Variants in HERC2 observed in about 807,000 individuals in gnomAD.
HERC2 encodes HECT and RLD domain containing E3 ubiquitin protein ligase 2.
HERC2 carries 102 observed loss-of-function variants against 537.7 expected under a neutral mutation model. The observed-to-expected ratio is 0.19, with a 90% CI of 0.16 to 0.22. The LOEUF (loss-of-function observed/expected upper bound fraction) is 0.22. HERC2 is among the 10% of genes least tolerant of loss of function. The pLI is 1.00. For synonymous variants in HERC2, 2,224 were observed against 2,466.2 expected (o/e 0.90, Z 2.91); for missense variants, 4,236 against 6,198.2 (o/e 0.68, Z 10.63).
intron 20 of HERC2, among the ~76,000 whole-genome samples, chr15:28,251,168 T>G (rs926602450): frequency 2.6e-5 from 4 of 152,132 alleles, no homozygotes; most frequent in African/African-American, 9.7e-5. Flanking sequence ...TGTGGCCAGG[T>G]GCAGTGGCTC....
Position 28,214,388 on chromosome 15 carries a change from G to T in HERC2, c.6359-116C>A, listed in dbSNP as rs772893719. ...TGCGCCGCTCTTCACCAGGGCACAG[G>T]GAAGGGAGACGGCCATGCACCTCTG... is the stretch of plus-strand genomic sequence containing the variant. On this transcript the variant is annotated intron_variant, in intron 40 of 92. Transcript: ENST00000261609. 2.9e-4 allele frequency: 298 copies of T among 1,027,776 alleles called. 1 individual carries two copies. The highest frequency in any genetic ancestry group is 4.3e-4 in the Non-Finnish European group (281 of 659,890). 63.7% of individuals were successfully genotyped at this position (1,027,776 alleles called of 1,614,324 possible).
At chr15:28,172,527 C>T (rs932806043) in intron 65 of HERC2, among the ~76,000 whole-genome samples, 4 of 152,230 alleles carry the variant, frequency 2.6e-5, no homozygotes, top group Middle Eastern at 3.4e-3. Flanking sequence ...GTAGGAAAAG[C>T]GTAGTTTTTC....
intron 5 of HERC2, among the ~76,000 whole-genome samples, chr15:28,276,648 C>T (rs1169477565): frequency 6.6e-6 from 1 of 151,694 alleles, no homozygotes; most frequent in East Asian, 1.9e-4. Context: ...GGCAGAATTG[C>T]TTGAACCTGG....
At chr15:28,144,875 C>T in intron 71 of HERC2, 71 bp from the exon 72 acceptor site, 3 of 1,592,844 alleles carry the variant, frequency 1.9e-6, no homozygotes, top group Non-Finnish European at 2.6e-6. Flanking sequence ...TTCTTAGACG[C>T]AAAGCAGAAT....
At chr15:28,117,265 C>T (rs982098056) in intron 86 of HERC2, 111 bp from the exon 87 acceptor site, 2 of 1,076,976 alleles carry the variant, frequency 1.9e-6, no homozygotes, top group African/African-American at 1.5e-5. Flanking sequence ...TGCATGGGCC[C>T]CTCCCTGGTC....
intron 4 of HERC2, among the ~76,000 whole-genome samples, chr15:28,286,660 A>G (rs555579189): frequency 6.6e-6 from 1 of 152,222 alleles, no homozygotes; most frequent in African/African-American, 2.4e-5. Flanking sequence ...CCTATGCCAA[A>G]AACAATGTCA....
Position 28,238,133 on chromosome 15 carries a change from C to A in HERC2, c.3833G>T (p.Cys1278Phe). The change falls in exon 25 of 93, where the codon TGT becomes TTT. Residue 1278 changes from cysteine to phenylalanine, a missense_variant. Physicochemically the swap from Cys to Phe is radical, Grantham distance 205. Coordinates refer to ENST00000261609, the MANE Select transcript of HERC2 (RefSeq NM_004667.6). ...EDTRESMHAFCVGQYLEPDQE... is the reference protein window; with the variant it reads ...EDTRESMHAFFVGQYLEPDQE... ...CCTCACCTCCAAATACTGGCCAACA[C>A]AAAACGCGTGCATGGATTCCCGGGT... 1.2e-6 allele frequency: 2 copies of A among 1,611,942 alleles called. No individual in the cohort carries two copies. Among genetic ancestry groups the A allele is most frequent in the Non-Finnish European group, 1.7e-6 (2 of 1,179,792 alleles).
chr15:28,146,778 C>G (rs1450188268), intron 70 of HERC2, among the ~76,000 whole-genome samples: 1 of 146,010 alleles, frequency 6.8e-6, no homozygotes, highest in Non-Finnish European at 1.5e-5. Context: ...ACTGGAGAAC[C>G]GCTTGGTGTG....
intron 34 of HERC2, 94 bp downstream of exon 34, chr15:28,229,101 A>G: frequency 1.8e-6 from 2 of 1,141,028 alleles, no homozygotes; most frequent in South Asian, 2.5e-5. Flanking sequence ...TTTAATTAAA[A>G]TCTTCTCAAA....
rs746785309 is a variant in HERC2 at position 28,113,617 on chromosome 15, C to T, written c.13975G>A (p.Val4659Ile). 1 of 1,614,190 alleles carries T rather than the reference C, an allele frequency of 6.2e-7. No individual in the cohort carries two copies. Among genetic ancestry groups the T allele is most frequent in the Non-Finnish European group, 8.5e-7 (1 of 1,180,038 alleles). The change falls in exon 91 of 93, where the codon GTT becomes ATT. Residue 4659 changes from valine (V) to isoleucine (I), a missense_variant. By Grantham distance (29) the Val-to-Ile change is conservative. This residue lies in a region of HERC2 where 313 missense variants were observed against 462.6 expected (regional missense o/e 0.68). Coordinates refer to ENST00000261609, the MANE Select transcript of HERC2 (RefSeq NM_004667.6). The surrounding 1 kb of genome is among the most constrained non-coding windows in gnomAD (Gnocchi z 7.0). ...VREGMARVVPVPLLSLFTGYE... is the reference protein window; with the variant it reads ...VREGMARVVPIPLLSLFTGYE... The stretch of plus-strand genomic sequence containing the variant: ...CCGGTGAACAGAGAGAGGAGGGGAA[C>T]AGGCACAACGCGGGCCATTCCTTCC...
Position 28,202,198 on chromosome 15 carries a change from G to A in HERC2, c.7532C>T (p.Thr2511Met), listed in dbSNP as rs141913704. ...CACCGTGTCTGCATCTGAGAGCTCC[G>A]TGACCTGTATGTCGGAGTGGTCCAG... ...WLLDHSDIQVTELSDADTVSD... is the reference protein window; with the variant it reads ...WLLDHSDIQVMELSDADTVSD... Residue 2511 changes from threonine (T) to methionine (M), a missense_variant, in exon 47 of 93, where the codon ACG becomes ATG. Thr to Met is a moderately conservative substitution (Grantham distance 81). This residue lies in a region of HERC2 where 606 missense variants were observed against 884.5 expected (regional missense o/e 0.69). Transcript: ENST00000261609. The A allele has an allele frequency of 1.1e-5, 17 of 1,598,744 alleles. No homozygotes were observed. The highest frequency in any genetic ancestry group is 6.7e-5 in the East Asian group (3 of 44,764).
intron 65 of HERC2, among the ~76,000 whole-genome samples, chr15:28,173,664 A>G (rs1894913348): frequency 6.6e-6 from 1 of 151,914 alleles, no homozygotes; most frequent in African/African-American, 2.4e-5. Context: ...TTAGCCAGGC[A>G]TGGTGACATG....
chr15:28,319,541 C>T (rs2077177320), intron 2 of HERC2, among the ~76,000 whole-genome samples: 2 of 144,504 alleles, frequency 1.4e-5, no homozygotes, highest in Non-Finnish European at 3.0e-5. Flanking sequence ...GCCAAGATTG[C>T]GCCACTGCAC....
In HERC2 at chr15:28,167,942, T is replaced by C. The variant is rs142465883; in HGVS notation, c.10414-115A>G. 1.4e-4 allele frequency: 164 copies of C among 1,173,936 alleles called. No individual in the cohort carries two copies. The African/African-American group carries it at 2.3e-3, about 16-fold the overall frequency. 72.7% of individuals were successfully genotyped at this position (1,173,936 alleles called of 1,614,324 possible). ...AAAACTACTTGGGCTGTTTAGAATG[T>C]TCCAGATTTTACAGAGGTAACATGG... On this transcript the variant is annotated intron_variant, in intron 67 of 92. Transcript: ENST00000261609.
chr15:28,196,775 G>A (rs1242095294), intron 50 of HERC2, among the ~76,000 whole-genome samples: 1 of 152,194 alleles, frequency 6.6e-6, no homozygotes, highest in Non-Finnish European at 1.5e-5. Context: ...CAAGAAGGGA[G>A]CATGAATAAT....
At chr15:28,115,631 A>C in intron 88 of HERC2, 90 bp from the exon 89 acceptor site, 11 of 845,840 alleles carry the variant, frequency 1.3e-5, no homozygotes, top group Non-Finnish European at 2.0e-5. Context: ...CAGCAGCTCC[A>C]CACTCAGGAC....
intron 69 of HERC2, among the ~76,000 whole-genome samples, chr15:28,156,373 T>C (rs1023444256): frequency 6.6e-6 from 1 of 151,706 alleles, no homozygotes; most frequent in South Asian, 2.1e-4. Flanking sequence ...ATTTTCACGA[T>C]TTCCTATCCA....
intron 45 of HERC2, chr15:28,203,180 G>A (rs1898059880): frequency 8.9e-6 from 1 of 112,264 alleles, no homozygotes; most frequent in Non-Finnish European, 1.8e-5. Flanking sequence ...CATCTAAACT[G>A]CCAGTCTCTG....
chr15:28,246,616 G>A, intron 22 of HERC2, 126 bp downstream of exon 22: 2 of 717,752 alleles, frequency 2.8e-6, no homozygotes, highest in South Asian at 2.8e-5. Flanking sequence ...AAAAACAAAG[G>A]TGAAAGGGCA....
Sources: allele counts gnomAD v4.1 joint callset (sites outside exome capture counted in the v4.1 genomes callset), GRCh38; gene constraint gnomAD v4.1.1; regional missense constraint gnomAD v4.1.1; non-coding constraint Gnocchi (gnomAD v3.1); transcripts MANE v1.5; gene names NCBI Gene and HGNC (gene_info 2026-07-23, HGNC 2026-07-21).